The following KALRN variants were observed in gnomAD, a reference collection of about 807,000 sequenced individuals.
The protein encoded by KALRN is kalirin RhoGEF kinase.
KALRN carries 70 observed loss-of-function variants against 353.7 expected under a neutral mutation model. The ratio of observed to expected loss-of-function variants is 0.20; its 90% CI spans 0.16 to 0.24. The LOEUF is 0.24. Among genes scored for constraint, KALRN ranks in the 10% least tolerant of loss-of-function variants. KALRN has a pLI of 1.00. For synonymous variants in KALRN, 1,391 were observed against 1,434.8 expected, an observed-to-expected ratio of 0.97 and a Z score of 0.69; for missense variants, 2,791 against 3,756.7, an observed-to-expected ratio of 0.74 and a Z score of 6.72.
chr3:124,631,400 C>T (rs1462442436), intron 34 of KALRN, among the ~76,000 whole-genome samples: 1 of 152,176 alleles, frequency 6.6e-6, no homozygotes, highest in Non-Finnish European at 1.5e-5. Context: ...GATGTCTAAA[C>T]CTAAACTCCT....
At chr3:124,404,400 A>G (rs935257840) in intron 13 of KALRN, among the ~76,000 whole-genome samples, 1 of 151,760 alleles carries the variant, frequency 6.6e-6, no homozygotes, top group Non-Finnish European at 1.5e-5. Context: ...CTAGTCACTG[A>G]CTGTCTTGGT....
intron 1 of KALRN, among the ~76,000 whole-genome samples, chr3:124,146,000 T>G (rs1287922455): frequency 6.6e-6 from 1 of 152,234 alleles, no homozygotes; most frequent in African/African-American, 2.4e-5. Context: ...TATGCCTGTT[T>G]GAGTGCTTAG....
chr3:124,333,622 T>C (rs780626701), intron 8 of KALRN, among the ~76,000 whole-genome samples: 21 of 152,140 alleles, frequency 1.4e-4, no homozygotes, highest in Admixed American at 1.2e-3. Flanking sequence ...GCACTGTGGC[T>C]CACACCTGTA....
intron 1 of KALRN, among the ~76,000 whole-genome samples, chr3:124,114,879 G>C (rs146099471): frequency 6.6e-6 from 1 of 152,186 alleles, no homozygotes; most frequent in Non-Finnish European, 1.5e-5. Context: ...GAAACTTCCC[G>C]TCAGTGAGGT....
Position 124,456,690 on chromosome 3 carries a change from A to G in KALRN, c.3816A>G (p.Glu1272=). 1 of 1,613,228 alleles carries G rather than the reference A, an allele frequency of 6.2e-7. No homozygotes were observed. Among genetic ancestry groups the G allele is most frequent in the African/African-American group, 1.3e-5 (1 of 75,016 alleles). ...TCAAGCTGCGGGACGCCAACCACGA[A>G]GTCAATGAAGAGAAGCGGAAGTCAG... ...REVKLRDANH[E]VNEEKRKSAR... Residue 1272 remains glutamate, a synonymous_variant, in exon 23 of 60, where the codon GAA becomes GAG. Coordinates refer to ENST00000682506, the MANE Select transcript of KALRN (RefSeq NM_001388419.1).
chr3:124,587,137 G>A (rs13085770), intron 34 of KALRN, among the ~76,000 whole-genome samples: 44,295 of 151,956 alleles, frequency 0.29, 7,089 homozygotes, highest in Middle Eastern at 0.4. Flanking sequence ...GTGCACTGCA[G>A]GGGACTGACT....
At chr3:124,212,783 T>C (rs563533646) in intron 1 of KALRN, among the ~76,000 whole-genome samples, 12 of 152,298 alleles carry the variant, frequency 7.9e-5, no homozygotes, top group African/African-American at 2.4e-4. Flanking sequence ...TTGATGATTA[T>C]TGCCTTCTCA....
At chr3:124,231,739 A>C (rs1381537987) in intron 2 of KALRN, among the ~76,000 whole-genome samples, 4 of 152,060 alleles carry the variant, frequency 2.6e-5, no homozygotes, top group South Asian at 2.1e-4. Context: ...GGCATTTTCC[A>C]AACTAAAGAA....
chr3:124,376,245 A>G (rs1278490561), intron 10 of KALRN, among the ~76,000 whole-genome samples: 4 of 152,210 alleles, frequency 2.6e-5, no homozygotes, highest in African/African-American at 7.2e-5. Context: ...CTGAAGATTT[A>G]TATACATAGT....
At chr3:124,282,379 CTTTTTTT>C (rs34148546) in intron 5 of KALRN, among the ~76,000 whole-genome samples, 53 of 134,800 alleles carry the variant, frequency 3.9e-4, no homozygotes, top group African/African-American at 1.3e-3. Context: ...CTACATTTTT[CTTTTTTT>C]TTTTTTTTTG....
chr3:124,213,870 G>A (rs2077093905), intron 1 of KALRN, among the ~76,000 whole-genome samples: 1 of 152,166 alleles, frequency 6.6e-6, no homozygotes, highest in South Asian at 2.1e-4. Flanking sequence ...GTGAACAGCT[G>A]TGTAACACAG....
At chr3:124,503,804 C>T (rs2064893752) in intron 33 of KALRN, among the ~76,000 whole-genome samples, 1 of 152,178 alleles carries the variant, frequency 6.6e-6, no homozygotes, top group South Asian at 2.1e-4. Flanking sequence ...GACTGGCTTC[C>T]AGCTGTTGCA....
At chr3:124,684,563 C>T (rs2061475671) in intron 51 of KALRN, among the ~76,000 whole-genome samples, 1 of 152,176 alleles carries the variant, frequency 6.6e-6, no homozygotes, top group Admixed American at 6.5e-5. Context: ...TTCTGAGCCC[C>T]AAGTTCCTCT....
At chr3:124,655,782 T>C in intron 39 of KALRN, 115 bp downstream of exon 39, 1 of 710,206 alleles carries the variant, frequency 1.4e-6, no homozygotes. Context: ...TCTGAGCACT[T>C]GCAGAAATGA....
At position 124,370,044 on chromosome 3, in the gene KALRN, A is replaced by G. The variant is rs1275477529; in HGVS notation, c.1771-14801A>G. 2.0e-5 allele frequency among the ~76,000 whole-genome samples: 3 copies of G among 152,220 alleles called. No individual in the cohort carries two copies. In the East Asian group the frequency reaches 5.8e-4, roughly 29 times the overall value. ...GACAGCACTTTGAAAAGTTTATGGA[A>G]AATGGAATTAAAAATAAAAAAATAT... is the stretch of plus-strand genomic sequence containing the variant. On this transcript the variant is annotated intron_variant, in intron 10 of 59. Coordinates refer to ENST00000682506, the MANE Select transcript of KALRN (RefSeq NM_001388419.1).
At position 124,224,102 on chromosome 3, in the gene KALRN, C is replaced by A. The variant is rs535769307; in HGVS notation, c.74-3888C>A. ...ATGCCTTTGTCCTTAAGAAGAGGCA[C>A]AACACCCACCACCCACGTTGGGTCA... is the stretch of plus-strand genomic sequence containing the variant. On this transcript the variant is annotated intron_variant, in intron 1 of 59. Coordinates refer to ENST00000682506, the MANE Select transcript of KALRN (RefSeq NM_001388419.1). Among the ~76,000 whole-genome samples the A allele has an allele frequency of 4.0e-5, 6 of 151,348 alleles. No homozygotes were observed. In the East Asian group the frequency reaches 1.2e-3, roughly 29 times the overall value.
chr3:124,606,666 A>G (rs575191077), intron 34 of KALRN, among the ~76,000 whole-genome samples: 2 of 152,364 alleles, frequency 1.3e-5, no homozygotes, highest in Non-Finnish European at 2.9e-5. Context: ...AGGCAAATGT[A>G]AAGACACTAT....
At chr3:124,328,647 A>G (rs1051487644) in intron 7 of KALRN, among the ~76,000 whole-genome samples, 1 of 152,228 alleles carries the variant, frequency 6.6e-6, no homozygotes, top group Non-Finnish European at 1.5e-5. Context: ...AGTGTGTTAC[A>G]AAATGTACAG....
intron 7 of KALRN, among the ~76,000 whole-genome samples, chr3:124,328,247 G>A (rs73185299): frequency 0.28 from 42,985 of 152,042 alleles, 6,411 homozygotes; most frequent in Non-Finnish European, 0.33. Context: ...GATAGTGACT[G>A]GTTCATTCTT....
Sources: gnomAD v4.1 joint callset for allele counts (sites outside exome capture counted in the v4.1 genomes callset) on GRCh38, gnomAD v4.1.1 for gene constraint, MANE v1.5 for transcripts, NCBI Gene and HGNC (gene_info 2026-07-23, HGNC 2026-07-21) for gene names.